Variants in PMEPA1 observed in about 807,000 individuals in gnomAD.
The protein encoded by PMEPA1 is protein TMEPAI.
Under a neutral mutation model 23.0 loss-of-function variants are expected in PMEPA1, and 11 were observed. That is an observed-to-expected ratio of 0.48 (90% CI 0.30 to 0.79). The LOEUF (loss-of-function observed/expected upper bound fraction) is 0.79. Ranked by LOEUF, PMEPA1 falls within the 30% of genes least tolerant of loss-of-function variation. The pLI is 0.06. For synonymous variants in PMEPA1, 204 were observed against 166.4 expected, an observed-to-expected ratio of 1.23 and a Z score of -1.74; for missense variants, 377 against 390.9, an observed-to-expected ratio of 0.96 and a Z score of 0.30.
chr20:57,681,725 T>C (rs571075264), intron 1 of PMEPA1, among the ~76,000 whole-genome samples: 1 of 152,292 alleles, frequency 6.6e-6, no homozygotes, highest in South Asian at 2.1e-4. Context: ...TACGCTTTAG[T>C]CACCCCCTCA....
At chr20:57,693,201 G>T (rs1404003785) in intron 1 of PMEPA1, among the ~76,000 whole-genome samples, 4 of 152,236 alleles carry the variant, frequency 2.6e-5, no homozygotes, top group Admixed American at 6.5e-5. Flanking sequence ...CAGTACCTCT[G>T]CGGGCTGCCA....
In PMEPA1 at chr20:57,651,957, G is replaced by A; in HGVS notation, c.*96C>T. The A allele has an allele frequency of 9.5e-7, 1 of 1,054,396 alleles. No individual in the cohort carries two copies. The highest frequency in any genetic ancestry group is 1.3e-6 in the Non-Finnish European group (1 of 756,638). The allele number at this position is 1,054,396 out of a possible 1,614,324, so 65.3% of individuals were successfully genotyped here. ...GGAGGGGAGGGCCACACGATGCGTT[G>A]CTGCGCCCCCCGCCTTCCTCTCACT... On this transcript the variant is annotated 3_prime_UTR_variant, in exon 4 of 4. Coordinates refer to ENST00000341744, the MANE Select transcript of PMEPA1 (RefSeq NM_020182.5).
chr20:57,652,215 C>A lies in PMEPA1; in HGVS notation c.702G>T (p.Glu234Asp), dbSNP rs139004472. 6.2e-7 allele frequency: 1 copy of A among 1,609,472 alleles called. No individual in the cohort carries two copies. The highest frequency in any genetic ancestry group is 1.1e-5 in the South Asian group (1 of 90,920). The change falls in exon 4 of 4, where the codon GAG becomes GAT. Residue 234 changes from glutamate to aspartate, a missense_variant. By Grantham distance (45) the Glu-to-Asp change is conservative. This residue lies in a region of PMEPA1 where 176 missense variants were observed against 173.0 expected (regional missense o/e 1.02). Coordinates refer to ENST00000341744, the MANE Select transcript of PMEPA1 (RefSeq NM_020182.5). The surrounding 1 kb of genome is among the most constrained non-coding windows in gnomAD (Gnocchi z 6.1). ...RMEGPPPTYSEVIGHYPGSSF... is the reference protein window; with the variant it reads ...RMEGPPPTYSDVIGHYPGSSF... ...AGGACCCCGGGTAGTGGCCGATGAC[C>A]TCGCTGTAGGTGGGCGGCGGCCCCT...
In PMEPA1 at chr20:57,653,731, C is replaced by T. The variant is rs564121688; in HGVS notation, c.265-645G>A. The stretch of plus-strand genomic sequence containing the variant: ...CAGCCCGAGCCCCAGGTCCTTTACA[C>T]GGCAGGCCAGGCTGCACGGCCCGCT... On this transcript the variant is annotated intron_variant, in intron 2 of 3. Transcript: ENST00000341744. Among the ~76,000 whole-genome samples, 4 of 152,326 alleles carry T rather than the reference C, an allele frequency of 2.6e-5. No homozygotes were observed. The East Asian group carries it at 5.8e-4, about 22-fold the overall frequency.
rs6064578 is a variant in PMEPA1 at position 57,652,970 on chromosome 20, C to T, written c.318+63G>A. On this transcript the variant is annotated intron_variant, in intron 3 of 3. Coordinates refer to ENST00000341744, the MANE Select transcript of PMEPA1 (RefSeq NM_020182.5). The surrounding 1 kb of genome is among the most constrained non-coding windows in gnomAD (Gnocchi z 6.1). Reference sequence around the variant, plus strand: ...CCTTTAGCAGCCCACACTGTTCCAGCCGCAGCGGGAGCAGCCCAGGGTGGG... The same window carrying T: ...CCTTTAGCAGCCCACACTGTTCCAGTCGCAGCGGGAGCAGCCCAGGGTGGG... The T allele has an allele frequency of 2.2e-6, 3 of 1,379,626 alleles. No homozygotes were observed. Among genetic ancestry groups the T allele is most frequent in the Admixed American group, 3.9e-5 (2 of 51,682 alleles). 85.5% of individuals were successfully genotyped at this position (1,379,626 alleles called of 1,614,324 possible).
chr20:57,670,772 T>C lies in PMEPA1; in HGVS notation c.110-11075A>G, dbSNP rs73915290. Among the ~76,000 whole-genome samples, 1,212 of 152,318 alleles carry C rather than the reference T, an allele frequency of 8.0e-3. 20 individuals are homozygous for C. The highest frequency in any genetic ancestry group is 0.028 in the African/African-American group (1,160 of 41,566). On this transcript the variant is annotated intron_variant, in intron 1 of 3. Coordinates refer to ENST00000341744, the MANE Select transcript of PMEPA1 (RefSeq NM_020182.5). ...TTCTCTTTTCACTGGTACCCTGTTC[T>C]AGTTTGCAAAGGCCCACTCAGGTTA...
At chr20:57,690,019 G>A (rs530099106) in intron 1 of PMEPA1, among the ~76,000 whole-genome samples, 3 of 152,366 alleles carry the variant, frequency 2.0e-5, no homozygotes, top group Admixed American at 2.0e-4. Context: ...AACACCCGAT[G>A]CACTCCTCAC....
At position 57,650,077 on chromosome 20, in the gene PMEPA1, C is replaced by T. The variant is rs1478024091; in HGVS notation, c.*1976G>A. 5 of 152,426 alleles carry T rather than the reference C, an allele frequency of 3.3e-5. No homozygotes were observed. Among genetic ancestry groups the T allele is most frequent in the Admixed American group, 6.5e-5 (1 of 15,282 alleles). The allele number at this position is 152,426 out of a possible 1,614,324, so 9.4% of individuals were successfully genotyped here. A position where few individuals can be genotyped will look rare whatever the true frequency, so the allele number is the denominator to read the frequency against. ...GGCAGGTTCTGCTGTTGCCAATGAACGAGAACTTTCTACTAGGCTGGCGGC... is the reference window on the plus strand; with the variant it reads ...GGCAGGTTCTGCTGTTGCCAATGAATGAGAACTTTCTACTAGGCTGGCGGC... On this transcript the variant is annotated 3_prime_UTR_variant, in exon 4 of 4. Transcript: ENST00000341744.
rs1012333924 is a variant in PMEPA1 at position 57,709,937 on chromosome 20, G to T, written c.-355C>A. ...CGCCTCCGCCGCCGCCGCCGCCGCCGCCTCCTCCTCCTCATTCAAGTCCAA... is the reference window on the plus strand; with the variant it reads ...CGCCTCCGCCGCCGCCGCCGCCGCCTCCTCCTCCTCCTCATTCAAGTCCAA... On this transcript the variant is annotated 5_prime_UTR_variant, in exon 1 of 4. Transcript: ENST00000341744. 15 of 1,009,750 alleles carry T rather than the reference G, an allele frequency of 1.5e-5. No homozygotes were observed. Among genetic ancestry groups the T allele is most frequent in the South Asian group, 4.2e-5 (1 of 23,788 alleles). The allele number at this position is 1,009,750 out of a possible 1,614,324, so 62.5% of individuals were successfully genotyped here.
rs2071333287 is a variant in PMEPA1, at chr20:57,656,837, T to C, written c.264+2706A>G. On this transcript the variant is annotated intron_variant, in intron 2 of 3. Coordinates refer to ENST00000341744, the MANE Select transcript of PMEPA1 (RefSeq NM_020182.5). This position sits in a 1 kb window ranked among gnomAD's most constrained non-coding sequence, Gnocchi z 4.7. ...GGATAGCCATGCCAGGGGCAGAGCA[T>C]GGATGGGCTGGGGGGATGTAGACTG... Among the ~76,000 whole-genome samples the C allele has an allele frequency of 6.6e-6, 1 of 152,132 alleles. No homozygotes were observed. Among genetic ancestry groups the C allele is most frequent in the Admixed American group, 6.5e-5 (1 of 15,282 alleles).
At chr20:57,701,385 C>T (rs1205381974) in intron 1 of PMEPA1, among the ~76,000 whole-genome samples, 1 of 152,080 alleles carries the variant, frequency 6.6e-6, no homozygotes, top group Non-Finnish European at 1.5e-5. Context: ...GAAGAATCAC[C>T]CTAGGAATTC....
At chr20:57,660,417 C>T (rs936326541) in intron 1 of PMEPA1, among the ~76,000 whole-genome samples, 1 of 150,284 alleles carries the variant, frequency 6.7e-6, no homozygotes, top group Non-Finnish European at 1.5e-5. Context: ...ACCCAACACT[C>T]CTACACAAAT....
rs559059853 is a variant in PMEPA1, at chr20:57,682,184, C to G, written c.110-22487G>C. Among the ~76,000 whole-genome samples, 81 of 152,334 alleles carry G rather than the reference C, an allele frequency of 5.3e-4. 1 individual carries two copies. Among genetic ancestry groups the G allele is most frequent in the African/African-American group, 1.8e-3 (76 of 41,588 alleles). ...CCCAAATACCGGGTCTGTCCTCCTT[C>G]CTTAGGTCACTATTACACACAGACA... is the stretch of plus-strand genomic sequence containing the variant. On this transcript the variant is annotated intron_variant, in intron 1 of 3. Transcript: ENST00000341744. This position sits in a 1 kb window ranked among gnomAD's most constrained non-coding sequence, Gnocchi z 4.4.
upstream of PMEPA1, chr20:57,710,032 G>C: frequency 1.0e-6 from 1 of 998,134 alleles, no homozygotes; most frequent in Non-Finnish European, 1.2e-6. Context: ...GCTAGACGGG[G>C]CTGCCGGTTC....
rs962586031 is a variant in PMEPA1, at chr20:57,683,636, T to G, written c.110-23939A>C. 6.6e-6 allele frequency among the ~76,000 whole-genome samples: 1 copy of G among 151,846 alleles called. No homozygotes were observed. Among genetic ancestry groups the G allele is most frequent in the Non-Finnish European group, 1.5e-5 (1 of 67,996 alleles). ...AATACTTCATGTTGATATTTCTTCT[T>G]AAAGATGCTGTAATTATGAGAGAGC... On this transcript the variant is annotated intron_variant, in intron 1 of 3. Coordinates refer to ENST00000341744, the MANE Select transcript of PMEPA1 (RefSeq NM_020182.5). The surrounding 1 kb of genome is among the most constrained non-coding windows in gnomAD (Gnocchi z 4.3).
intron 2 of PMEPA1, among the ~76,000 whole-genome samples, chr20:57,658,074 C>T (rs576126268): frequency 1.4e-4 from 22 of 152,340 alleles, no homozygotes; most frequent in Non-Finnish European, 2.6e-4. Flanking sequence ...TGAAGGATAC[C>T]GAACAGCCGG....
rs2072147412 is a variant in PMEPA1 at position 57,709,888 on chromosome 20, T to C, written c.-306A>G. ...CGCGCTGCCGCCGGGGCTGAGCCTC[T>C]GCCGCTAGCTTTCCCCAGCCGAGCG... On this transcript the variant is annotated 5_prime_UTR_variant, in exon 1 of 4. Transcript: ENST00000341744. 5.0e-6 allele frequency: 5 copies of C among 1,004,472 alleles called. No individual in the cohort carries two copies. Among genetic ancestry groups the C allele is most frequent in the Non-Finnish European group, 5.9e-6 (5 of 845,892 alleles). The allele number at this position is 1,004,472 out of a possible 1,614,324, so 62.2% of individuals were successfully genotyped here. A position where few individuals can be genotyped will look rare whatever the true frequency, so the allele number is the denominator to read the frequency against.
rs2071322718 is a variant in PMEPA1 at position 57,656,069 on chromosome 20, T to C, written c.265-2983A>G. On this transcript the variant is annotated intron_variant, in intron 2 of 3. Coordinates refer to ENST00000341744, the MANE Select transcript of PMEPA1 (RefSeq NM_020182.5). This position sits in a 1 kb window ranked among gnomAD's most constrained non-coding sequence, Gnocchi z 4.7. ...AGAACGTAGCTGCCCATTCTTCCCC[T>C]GGAGTCCCCAGGAACATCCAAGGGG... 2.0e-5 allele frequency among the ~76,000 whole-genome samples: 3 copies of C among 151,970 alleles called. No homozygotes were observed. Among genetic ancestry groups the C allele is most frequent in the Admixed American group, 2.0e-4 (3 of 15,280 alleles).
At chr20:57,680,393 G>C (rs905533586) in intron 1 of PMEPA1, among the ~76,000 whole-genome samples, 4 of 152,168 alleles carry the variant, frequency 2.6e-5, no homozygotes, top group African/African-American at 7.2e-5. Context: ...AAACACTTGT[G>C]GTTGCCACAA....
Sources: gnomAD v4.1 joint callset for allele counts (sites outside exome capture counted in the v4.1 genomes callset) on GRCh38, gnomAD v4.1.1 for gene constraint, gnomAD v4.1.1 regional missense constraint, Gnocchi (gnomAD v3.1) non-coding constraint, MANE v1.5 for transcripts, NCBI Gene and HGNC (gene_info 2026-07-23, HGNC 2026-07-21) for gene names.